MGAM: variants seen among roughly 807,000 people sequenced by gnomAD.
MGAM encodes the protein maltase-glucoamylase.
A neutral mutation model predicts 358.8 loss-of-function variants in MGAM; 253 were observed. That is an observed-to-expected ratio of 0.71 (90% CI 0.64 to 0.78). The LOEUF (loss-of-function observed/expected upper bound fraction) is 0.78. Ranked by LOEUF, MGAM falls within the 30% of genes least tolerant of loss-of-function variation. The pLI is 0.00. For missense variants in MGAM, 3,080 were observed against 3,432.6 expected, an observed-to-expected ratio of 0.90 and a Z score of 2.57; for synonymous variants, 1,105 against 1,227.1, an observed-to-expected ratio of 0.90 and a Z score of 2.08.
chr7:142,048,391 G>T (rs1282821781), intron 22 of MGAM, among the ~76,000 whole-genome samples: 3 of 151,646 alleles, frequency 2.0e-5, no homozygotes, highest in Middle Eastern at 3.4e-3. Context: ...TTCGTAATCT[G>T]CCCGGCTCGG....
At chr7:142,067,986 A>ATATATATAT (rs1236775159) in intron 42 of MGAM, among the ~76,000 whole-genome samples, 1 of 8,694 alleles carries the variant, frequency 1.2e-4, no homozygotes, top group African/African-American at 1.8e-4. Context: ...ATATATATAT[A>ATATATATAT]TTTTTTTTTT....
intron 1 of MGAM, among the ~76,000 whole-genome samples, chr7:142,002,471 C>G (rs1402908852): frequency 6.6e-6 from 1 of 151,936 alleles, no homozygotes; most frequent in Non-Finnish European, 1.5e-5. Context: ...AAAACAAAAC[C>G]CATATGATCA....
At chr7:142,044,612 A>G (rs182940296) in intron 21 of MGAM, among the ~76,000 whole-genome samples, 748 of 122,886 alleles carry the variant, frequency 6.1e-3, no homozygotes, top group Admixed American at 7.7e-3. Flanking sequence ...GTAATATATG[A>G]TATATAATGT....
chr7:142,005,917 T>C (rs1193864459), intron 2 of MGAM, among the ~76,000 whole-genome samples: 1 of 152,024 alleles, frequency 6.6e-6, no homozygotes, highest in Admixed American at 6.6e-5. Flanking sequence ...TTTCCTTAAA[T>C]AAGTCTAATT....
chr7:142,095,770 G>A, intron 64 of MGAM, 57 bp downstream of exon 64: 1 of 1,595,708 alleles, frequency 6.3e-7, no homozygotes, highest in Non-Finnish European at 8.5e-7. Context: ...ATTCTATATG[G>A]TGACAGTTGA....
intron 32 of MGAM, 113 bp from the exon 33 acceptor site, chr7:142,059,743 C>T: frequency 1.3e-6 from 2 of 1,565,236 alleles, no homozygotes; most frequent in Admixed American, 3.6e-5. Flanking sequence ...CTCACAGAAA[C>T]TCTACTGTGC....
Position 142,036,667 on chromosome 7 carries a change from G to A in MGAM, c.2077-156G>A, listed in dbSNP as rs76728163. On this transcript the variant is annotated intron_variant, in intron 17 of 70. Coordinates refer to ENST00000475668, the MANE Select transcript of MGAM (RefSeq NM_001365693.1). ...GCAGGTTGAATCGAAAACTCAAGGA[G>A]AGACACTTGGTACTACTCAGAAGCG... Among the ~76,000 whole-genome samples, 1,431 of 152,274 alleles carry A rather than the reference G, an allele frequency of 9.4e-3. 24 individuals carry two copies. Among genetic ancestry groups the A allele is most frequent in the African/African-American group, 0.033 (1,370 of 41,562 alleles).
chr7:142,078,492 A>C (rs573616484), intron 48 of MGAM, 22 bp downstream of exon 48: 7 of 1,525,228 alleles, frequency 4.6e-6, no homozygotes, highest in Non-Finnish European at 6.3e-6. Flanking sequence ...GATGGGGTTC[A>C]TGTGCATGAA....
At chr7:142,034,195 T>TGC (rs35537649) in intron 14 of MGAM, 67 bp from the exon 15 acceptor site, 1 of 1,069,362 alleles carries the variant, frequency 9.4e-7, no homozygotes, top group South Asian at 1.4e-5. Context: ...CATTTCGGAT[T>TGC]GTGATAGTCA....
At chr7:142,011,319 A>T (rs1159985872) in intron 3 of MGAM, among the ~76,000 whole-genome samples, 3 of 152,092 alleles carry the variant, frequency 2.0e-5, no homozygotes, top group Non-Finnish European at 4.4e-5. Context: ...TATGTTGGGG[A>T]TCATGTTTTA....
chr7:142,076,462 G>A, intron 46 of MGAM, 197 bp from the exon 47 acceptor site: 3 of 855,662 alleles, frequency 3.5e-6, no homozygotes, highest in Non-Finnish European at 5.8e-6. Context: ...TTAATTATCT[G>A]TGTGTTTTTA....
chr7:142,067,739 G>T (rs1812889710), intron 42 of MGAM, among the ~76,000 whole-genome samples: 1 of 138,032 alleles, frequency 7.2e-6, no homozygotes, highest in Non-Finnish European at 1.6e-5. Context: ...GGGCAGTATT[G>T]TAAAAAATTT....
At chr7:142,058,583 C>T (rs553256823) in intron 31 of MGAM, among the ~76,000 whole-genome samples, 5 of 152,312 alleles carry the variant, frequency 3.3e-5, no homozygotes, top group Admixed American at 1.3e-4. Flanking sequence ...TCTGCTCTCC[C>T]GTGCTTCCTT....
At chr7:142,005,417 G>T (rs1435324823) in intron 1 of MGAM, 112 bp from the exon 2 acceptor site, 5 of 709,186 alleles carry the variant, frequency 7.1e-6, no homozygotes, top group Non-Finnish European at 1.1e-5. Flanking sequence ...ATGGATGCTT[G>T]GGAGGCTTGT....
chr7:142,078,233 A>AAAAT lies in MGAM; in HGVS notation c.5494-69_5494-66dup, dbSNP rs368614883. 1,187 of 1,122,402 alleles carry AAAAT rather than the reference A, an allele frequency of 1.1e-3. 35 individuals are homozygous for AAAAT. In the African/African-American group the frequency reaches 0.015, roughly 14 times the overall value. The allele number at this position is 1,122,402 out of a possible 1,614,324, so 69.5% of individuals were successfully genotyped here. The stretch of plus-strand genomic sequence containing the variant: ...TGGACTGATGTCTATTTGTTTTTCC[A>AAAAT]AAATAAATAAATAAATAAAGTCTTA... On this transcript the variant is annotated intron_variant, in intron 47 of 70. Transcript: ENST00000475668.
chr7:142,028,575 T>A (rs1182503118), intron 10 of MGAM, among the ~76,000 whole-genome samples: 1 of 152,206 alleles, frequency 6.6e-6, no homozygotes, highest in Non-Finnish European at 1.5e-5. Flanking sequence ...CAGGTCCATG[T>A]GTTTTTACAT....
chr7:142,065,661 G>A (rs767504753), intron 39 of MGAM, 39 bp downstream of exon 39: 1 of 1,612,136 alleles, frequency 6.2e-7, no homozygotes, highest in Middle Eastern at 1.8e-4. Context: ...CCAAGAAGGT[G>A]GGGACATCTT....
In MGAM at chr7:142,071,009, G is replaced by A; in HGVS notation, c.5077G>A (p.Ala1693Thr). The A allele has an allele frequency of 6.4e-7, 1 of 1,556,224 alleles. No homozygotes were observed. Residue 1693 changes from alanine (A) to threonine (T), a missense_variant, in exon 44 of 71, where the codon GCA becomes ACA. By Grantham distance (58) the Ala-to-Thr change is moderately conservative. This residue lies in a region of MGAM where 932 missense variants were observed against 1,198.2 expected (regional missense o/e 0.78). Transcript: ENST00000475668. ...CTGCCCCCAGGGTGTGGATATTAATGCAAGAGGAGAGTGGAAGACCTTGCC... is the reference window on the plus strand; with the variant it reads ...CTGCCCCCAGGGTGTGGATATTAATACAAGAGGAGAGTGGAAGACCTTGCC... ...YDYYTGVDINARGEWKTLPAP... is the reference protein window; with the variant it reads ...YDYYTGVDINTRGEWKTLPAP...
At position 142,092,588 on chromosome 7, in the gene MGAM, A is replaced by G. The variant is rs551562148; in HGVS notation, c.7013A>G (p.Asn2338Ser). 4 of 1,544,046 alleles carry G rather than the reference A, an allele frequency of 2.6e-6. No individual in the cohort carries two copies. Among genetic ancestry groups the G allele is most frequent in the Non-Finnish European group, 3.6e-6 (4 of 1,126,096 alleles). The change falls in exon 59 of 71, where the codon AAC (asparagine) becomes AGC (serine). Residue 2338 changes from asparagine to serine, a missense_variant. Coordinates refer to ENST00000475668, the MANE Select transcript of MGAM (RefSeq NM_001365693.1). Reference protein sequence around the residue: ...VSPGCRDASLNHPPYMPYLES... With the variant: ...VSPGCRDASLSHPPYMPYLES... ...CCAGGCTGCAGGGATGCCTCTCTGA[A>G]CCACCCTCCCTACATGCCGTGTAAG...
Sources: gnomAD v4.1 joint callset for allele counts (sites outside exome capture counted in the v4.1 genomes callset) on GRCh38, gnomAD v4.1.1 for gene constraint, gnomAD v4.1.1 regional missense constraint, MANE v1.5 for transcripts, NCBI Gene and HGNC (gene_info 2026-07-23, HGNC 2026-07-21) for gene names.